BPNT1: variants seen among roughly 807,000 people sequenced by gnomAD.
The protein encoded by BPNT1 is 3'(2'), 5'-bisphosphate nucleotidase 1, also known as 3'(2'),5'-bisphosphate nucleotidase 1.
BPNT1 carries 28 observed loss-of-function variants against 36.9 expected under a neutral mutation model. The ratio of observed to expected loss-of-function variants is 0.76; its 90% CI spans 0.56 to 1.04. BPNT1 has a LOEUF of 1.04. Ranked by LOEUF, BPNT1 falls within the 50% of genes least tolerant of loss-of-function variation. The pLI, the probability that BPNT1 is intolerant of heterozygous loss-of-function variation, is 0.00. For missense variants in BPNT1, 313 were observed against 372.9 expected (o/e 0.84, Z 1.32); for synonymous variants, 119 against 130.9 (o/e 0.91, Z 0.62).
In BPNT1 at chr1:220,059,056, AT is replaced by A; in HGVS notation, c.779-65del. The A allele has an allele frequency of 1.9e-6, 3 of 1,558,768 alleles. No individual in the cohort carries two copies. In the South Asian group the frequency reaches 3.4e-5, roughly 18 times the overall value. On this transcript the variant is annotated intron_variant, in intron 8 of 8. Transcript: ENST00000322067. ...TAATTGGATTGTGGTTTTTCTAGTT[AT>A]TTTTAAGTGCCTTTTGCTTCCTTAT...
chr1:220,060,721 A>C (rs2102627310), intron 7 of BPNT1, among the ~76,000 whole-genome samples: 1 of 152,278 alleles, frequency 6.6e-6, no homozygotes, highest in South Asian at 2.1e-4. Context: ...ATGAGTGACC[A>C]TGGCCCATGA....
intron 6 of BPNT1, among the ~76,000 whole-genome samples, chr1:220,063,972 T>C (rs117230911): frequency 0.01 from 1,541 of 152,280 alleles, 28 homozygotes; most frequent in East Asian, 0.076. Flanking sequence ...CAAAATACAA[T>C]TATATTAATA....
intron 1 of BPNT1, among the ~76,000 whole-genome samples, chr1:220,089,377 G>T (rs1322709412): frequency 1.3e-5 from 2 of 152,126 alleles, no homozygotes; most frequent in African/African-American, 4.8e-5. Context: ...ATGGCAGTTG[G>T]AAGAATATTT....
intron 1 of BPNT1, among the ~76,000 whole-genome samples, chr1:220,080,672 T>C (rs755640473): frequency 9.9e-5 from 15 of 152,204 alleles, no homozygotes; most frequent in Non-Finnish European, 2.1e-4. Flanking sequence ...TACCTCCACC[T>C]GGTCTCTCCC....
At chr1:220,071,879 G>A (rs1664092081) in intron 4 of BPNT1, among the ~76,000 whole-genome samples, 1 of 151,502 alleles carries the variant, frequency 6.6e-6, no homozygotes, top group Non-Finnish European at 1.5e-5. Context: ...AAGAGACGGG[G>A]ATTCTCCATG....
chr1:220,078,026 T>C (rs545059077), intron 2 of BPNT1, among the ~76,000 whole-genome samples: 12 of 151,630 alleles, frequency 7.9e-5, no homozygotes, highest in African/African-American at 2.4e-4. Context: ...AATAAAAACA[T>C]TAGCTAGGTG....
chr1:220,059,586 A>G, intron 8 of BPNT1, 100 bp downstream of exon 8: 4 of 915,332 alleles, frequency 4.4e-6, no homozygotes, highest in Non-Finnish European at 6.6e-6. Context: ...TAGCTTTTAT[A>G]TCGTAACAGT....
chr1:220,058,308 T>A lies in BPNT1; in HGVS notation c.*536A>T. ...AGGAAAACAAATATAACATATTGAG[T>A]TTATAAGTTCTCCAGACGTCAAAAT... is the stretch of plus-strand genomic sequence containing the variant. On this transcript the variant is annotated 3_prime_UTR_variant, in exon 9 of 9. Coordinates refer to ENST00000322067, the MANE Select transcript of BPNT1 (RefSeq NM_006085.6). 1 of 988,294 alleles carries A rather than the reference T, an allele frequency of 1.0e-6. No individual in the cohort carries two copies. The highest frequency in any genetic ancestry group is 1.2e-6 in the Non-Finnish European group (1 of 831,282). 61.2% of individuals were successfully genotyped at this position (988,294 alleles called of 1,614,324 possible). A position where few individuals can be genotyped will look rare whatever the true frequency, so the allele number is the denominator to read the frequency against.
chr1:220,073,245 T>C (rs1468411939), intron 3 of BPNT1, among the ~76,000 whole-genome samples: 1 of 152,210 alleles, frequency 6.6e-6, no homozygotes, highest in Non-Finnish European at 1.5e-5. Flanking sequence ...TGACAGCAGA[T>C]AGTTCCCTTG....
intron 7 of BPNT1, among the ~76,000 whole-genome samples, chr1:220,062,228 G>T (rs1422536770): frequency 6.6e-6 from 1 of 150,716 alleles, no homozygotes; most frequent in Non-Finnish European, 1.5e-5. Flanking sequence ...GTGCCATGCT[G>T]GTGTGCTGCA....
At chr1:220,088,406 A>G (rs561591255) in intron 1 of BPNT1, among the ~76,000 whole-genome samples, 3 of 149,876 alleles carry the variant, frequency 2.0e-5, no homozygotes, top group Non-Finnish European at 4.4e-5. Flanking sequence ...TTGCTTGAAC[A>G]TAGGAGGCAG....
intron 2 of BPNT1, among the ~76,000 whole-genome samples, chr1:220,077,920 T>C (rs1664700048): frequency 6.6e-6 from 1 of 152,096 alleles, no homozygotes. Context: ...CTCACACCCA[T>C]AATCTCAGCA....
intron 4 of BPNT1, among the ~76,000 whole-genome samples, chr1:220,072,628 A>G (rs951290867): frequency 1.3e-5 from 2 of 152,198 alleles, no homozygotes; most frequent in African/African-American, 4.8e-5. Context: ...AAAGTATTTT[A>G]AATAACGGTT....
chr1:220,079,920 A>C lies in BPNT1; in HGVS notation c.-8-66T>G. ...CCAACTACTGGTTTTATTTATTTAA[A>C]TCCAACTCAACACATATTAATTGAG... is the stretch of plus-strand genomic sequence containing the variant. On this transcript the variant is annotated intron_variant, in intron 1 of 8. Coordinates refer to ENST00000322067, the MANE Select transcript of BPNT1 (RefSeq NM_006085.6). The C allele has an allele frequency of 8.6e-6, 13 of 1,506,326 alleles. No homozygotes were observed. The South Asian group carries it at 1.6e-4, about 19-fold the overall frequency. 93.3% of individuals were successfully genotyped at this position (1,506,326 alleles called of 1,614,324 possible).
At chr1:220,063,046 T>C in intron 6 of BPNT1, 92 bp from the exon 7 acceptor site, 2 of 1,403,542 alleles carry the variant, frequency 1.4e-6, no homozygotes, top group Non-Finnish European at 2.0e-6. Flanking sequence ...AGCATCATGA[T>C]TTAAAAAATA....
intron 2 of BPNT1, among the ~76,000 whole-genome samples, chr1:220,078,380 T>C (rs970205575): frequency 7.0e-6 from 1 of 143,442 alleles, no homozygotes. Flanking sequence ...ATTAATTATA[T>C]AGAATTATTA....
chr1:220,084,399 A>G (rs1297630262), intron 1 of BPNT1, among the ~76,000 whole-genome samples: 1 of 152,050 alleles, frequency 6.6e-6, no homozygotes, highest in African/African-American at 2.4e-5. Context: ...TGTTGGTCTT[A>G]TTTCTATTCC....
At chr1:220,083,901 C>T (rs752357383) in intron 1 of BPNT1, among the ~76,000 whole-genome samples, 23 of 151,916 alleles carry the variant, frequency 1.5e-4, no homozygotes, top group Non-Finnish European at 3.2e-4. Flanking sequence ...CCCTCATATA[C>T]GGAGGGATAA....
chr1:220,073,919 C>T, intron 3 of BPNT1, 48 bp downstream of exon 3: 1 of 1,485,448 alleles, frequency 6.7e-7, no homozygotes, highest in Non-Finnish European at 9.4e-7. Flanking sequence ...AGTTATAAAT[C>T]CATTTGGTAA....
Sources: gnomAD v4.1 joint callset for allele counts (sites outside exome capture counted in the v4.1 genomes callset) on GRCh38, gnomAD v4.1.1 for gene constraint, MANE v1.5 for transcripts, NCBI Gene and HGNC (gene_info 2026-07-23, HGNC 2026-07-21) for gene names.